Variants in USP16 observed in about 807,000 individuals in gnomAD.
USP16 encodes ubiquitin carboxyl-terminal hydrolase 16.
USP16 carries 77 observed loss-of-function variants against 95.9 expected under a neutral mutation model. The observed-to-expected ratio is 0.80, with a 90% confidence interval of 0.67 to 0.97. USP16 has a LOEUF of 0.97. USP16 is among the 50% of genes least tolerant of loss of function. The probability of loss-of-function intolerance (pLI) is 0.00; values close to 1 mark genes in which losing one functional copy is unlikely to be tolerated. For synonymous variants in USP16, 303 were observed against 318.2 expected, an observed-to-expected ratio of 0.95 and a Z score of 0.51; for missense variants, 943 against 959.9, an observed-to-expected ratio of 0.98 and a Z score of 0.23.
At chr21:29,053,081 CCT>C (rs1491357706) in intron 16 of USP16, 2 of 152,206 alleles carry the variant, frequency 1.3e-5, no homozygotes, top group African/African-American at 4.8e-5. Flanking sequence ...CATTTAAAGT[CCT>C]GTGAGAATCA....
In USP16 at chr21:29,027,952, C is replaced by T. The variant is rs148617415; in HGVS notation, c.39C>T (p.Ile13=). The T allele has an allele frequency of 2.7e-5, 43 of 1,612,996 alleles. No individual in the cohort carries two copies. The highest frequency in any genetic ancestry group is 5.3e-5 in the African/African-American group (4 of 74,922). The change falls in exon 2 of 18, where the codon ATC becomes ATT. Residue 13 remains isoleucine (I), a synonymous_variant. Coordinates refer to ENST00000399976, the MANE Select transcript of USP16 (RefSeq NM_006447.3). ...GGACAAAGGGAAAAACTGTTCCAAT[C>T]GATGATTCCTCTGAAACTTTAGGTA... ...KKRTKGKTVP[I]DDSSETLEPV...
intron 2 of USP16, 88 bp downstream of exon 2, chr21:29,028,062 T>C (rs1198728803): frequency 6.3e-6 from 6 of 950,974 alleles, no homozygotes; most frequent in Non-Finnish European, 9.6e-6. Flanking sequence ...TGCATATTAT[T>C]GTTATATTAT....
At chr21:29,048,690 T>C in intron 14 of USP16, 71 bp from the exon 15 acceptor site, 3 of 1,207,380 alleles carry the variant, frequency 2.5e-6, no homozygotes, top group Non-Finnish European at 3.6e-6. Context: ...GGAATGATTT[T>C]ATAGCAAATC....
At position 29,024,704 on chromosome 21, in the gene USP16, C is replaced by G. The variant is rs1252619455; in HGVS notation, c.-115C>G. On this transcript the variant is annotated 5_prime_UTR_variant, in exon 1 of 18. Transcript: ENST00000399976. ...GACTCCGTCGCTCTCAATTCGTCAC[C>G]AGGAGGAAGACGGAGCTGGCTGCCC... The G allele has an allele frequency of 7.8e-7, 1 of 1,289,250 alleles. No individual in the cohort carries two copies. The highest frequency in any genetic ancestry group is 1.2e-5 in the South Asian group (1 of 81,034). The allele number at this position is 1,289,250 out of a possible 1,614,324, so 79.9% of individuals were successfully genotyped here.
chr21:29,051,585 C>T (rs929603032), intron 16 of USP16, among the ~76,000 whole-genome samples: 15 of 152,230 alleles, frequency 9.9e-5, no homozygotes, highest in African/African-American at 3.6e-4. Flanking sequence ...AATGCCAACA[C>T]TTTGGGAGGC....
Position 29,027,396 on chromosome 21 carries a change from C to G in USP16, c.-41-477C>G, listed in dbSNP as rs148519682. 4.3e-4 allele frequency among the ~76,000 whole-genome samples: 65 copies of G among 152,316 alleles called. No individual in the cohort carries two copies. The East Asian group carries it at 6.2e-3, about 14-fold the overall frequency. On this transcript the variant is annotated intron_variant, in intron 1 of 17. Transcript: ENST00000399976. ...AAGCCATTTTGGAAATTTTCTAACTCCCTTCAGGAGGTTGTTAGAATTATT... is the reference window on the plus strand; with the variant it reads ...AAGCCATTTTGGAAATTTTCTAACTGCCTTCAGGAGGTTGTTAGAATTATT...
At chr21:29,047,985 C>A (rs1308690609) in intron 14 of USP16, among the ~76,000 whole-genome samples, 1 of 148,550 alleles carries the variant, frequency 6.7e-6, no homozygotes, top group Non-Finnish European at 1.5e-5. Flanking sequence ...TATATATAAG[C>A]TCAGAGACTA....
Position 29,040,607 on chromosome 21 carries a change from A to G in USP16, c.952-2A>G. 4.1e-6 allele frequency: 6 copies of G among 1,447,074 alleles called. No individual in the cohort carries two copies. Among genetic ancestry groups the G allele is most frequent in the South Asian group, 1.2e-5 (1 of 80,498 alleles). The allele number at this position is 1,447,074 out of a possible 1,614,324, so 89.6% of individuals were successfully genotyped here. On this transcript the variant is annotated splice_acceptor_variant, in intron 9 of 17. Transcript: ENST00000399976. LOFTEE classifies it high-confidence loss of function. ...TATATATATCCATTTTATTACTTTT[A>G]GAGAGTGAGTAAAGGAATACTTAAA...
In USP16 at chr21:29,036,267, A is replaced by C; in HGVS notation, c.345-4A>C. The stretch of plus-strand genomic sequence containing the variant: ...ATTTTTCATCTCTGATTTTTGGGTC[A>C]CAGGTGTTACGTATGTGATAATGAG... On this transcript the variant is annotated splice_region_variant and splice_polypyrimidine_tract_variant and intron_variant, in intron 4 of 17. Transcript: ENST00000399976. The C allele has an allele frequency of 6.3e-7, 1 of 1,596,640 alleles. No homozygotes were observed. The highest frequency in any genetic ancestry group is 8.5e-7 in the Non-Finnish European group (1 of 1,169,908).
intron 1 of USP16, 102 bp downstream of exon 1, chr21:29,024,879 G>C (rs1015037647): frequency 2.6e-6 from 3 of 1,149,282 alleles, no homozygotes; most frequent in Non-Finnish European, 3.3e-6. Context: ...CTTGAAGGCC[G>C]CTCTCCTTAA....
intron 2 of USP16, among the ~76,000 whole-genome samples, chr21:29,028,795 A>G (rs1411258122): frequency 6.6e-6 from 1 of 152,208 alleles, no homozygotes; most frequent in Non-Finnish European, 1.5e-5. Flanking sequence ...TGTATATTTC[A>G]TAATTTATTT....
In USP16 at chr21:29,050,280, T is replaced by A. The variant is rs551748441; in HGVS notation, c.2193+102T>A. The stretch of plus-strand genomic sequence containing the variant: ...ACTTAAGTATGAAGTTGATAACACT[T>A]ATTGAGTAGAGTGGGTCTTTGATCA... On this transcript the variant is annotated intron_variant, in intron 16 of 17. Coordinates refer to ENST00000399976, the MANE Select transcript of USP16 (RefSeq NM_006447.3). The A allele has an allele frequency of 1.1e-3, 1,029 of 942,558 alleles. 21 individuals carry two copies. In the South Asian group the frequency reaches 0.016, roughly 15 times the overall value. The allele number at this position is 942,558 out of a possible 1,614,324, so 58.4% of individuals were successfully genotyped here.
rs2085390025 is a variant in USP16, at chr21:29,050,030, GT to G, written c.2107-59del. 6 of 1,492,270 alleles carry G rather than the reference GT, an allele frequency of 4.0e-6. No individual in the cohort carries two copies. The African/African-American group carries it at 7.0e-5, about 17-fold the overall frequency. The allele number at this position is 1,492,270 out of a possible 1,614,324, so 92.4% of individuals were successfully genotyped here. On this transcript the variant is annotated intron_variant, in intron 15 of 17. Transcript: ENST00000399976. ...CTTTTGGACGTCGGAGGGGACTTCG[GT>G]TTACTTAACCTGTATTGCTTTTCCA...
At chr21:29,049,007 A>G in intron 15 of USP16, 152 bp downstream of exon 15, 1 of 645,250 alleles carries the variant, frequency 1.5e-6, no homozygotes, top group Non-Finnish European at 2.6e-6. Flanking sequence ...GGAAAAACAT[A>G]GGGGCTAGGC....
In USP16 at chr21:29,037,264, C is replaced by CTT; in HGVS notation, c.449-6_449-5dup. Reference sequence around the variant, plus strand: ...TATTACACATTTTGCTAAATCTTTTCTTTTTTTAAAGCAGAGAAAGATAAT... The same window carrying CTT: ...TATTACACATTTTGCTAAATCTTTTCTTTTTTTTTAAAGCAGAGAAAGATAAT... On this transcript the variant is annotated splice_polypyrimidine_tract_variant and intron_variant, in intron 5 of 17. Coordinates refer to ENST00000399976, the MANE Select transcript of USP16 (RefSeq NM_006447.3). 1 of 1,487,898 alleles carries CTT rather than the reference C, an allele frequency of 6.7e-7. No individual in the cohort carries two copies. The highest frequency in any genetic ancestry group is 9.1e-7 in the Non-Finnish European group (1 of 1,096,272). The allele number at this position is 1,487,898 out of a possible 1,614,324, so 92.2% of individuals were successfully genotyped here. A position where few individuals can be genotyped will look rare whatever the true frequency, so the allele number is the denominator to read the frequency against.
At chr21:29,035,626 G>A (rs191501922) in intron 4 of USP16, among the ~76,000 whole-genome samples, 160 of 152,016 alleles carry the variant, frequency 1.1e-3, no homozygotes, top group Non-Finnish European at 1.7e-3. Context: ...CTTGTGATCC[G>A]CATGCCTCAG....
chr21:29,044,148 G>A (rs1312186527), intron 13 of USP16, among the ~76,000 whole-genome samples: 2 of 152,102 alleles, frequency 1.3e-5, no homozygotes, highest in Non-Finnish European at 2.9e-5. Flanking sequence ...TGGCCAGGCT[G>A]GTCTCAAACT....
At chr21:29,041,205 T>C (rs144907838) in intron 10 of USP16, among the ~76,000 whole-genome samples, 2 of 152,268 alleles carry the variant, frequency 1.3e-5, no homozygotes, top group Non-Finnish European at 2.9e-5. Flanking sequence ...TAAATAGCCG[T>C]AAGTGACTAA....
chr21:29,041,956 T>C, intron 10 of USP16, 57 bp from the exon 11 acceptor site: 2 of 1,452,584 alleles, frequency 1.4e-6, no homozygotes. Context: ...TAGCTTTTCT[T>C]GTTTAATTAA....
Sources: allele counts gnomAD v4.1 joint callset (sites outside exome capture counted in the v4.1 genomes callset), GRCh38; gene constraint gnomAD v4.1.1; transcripts MANE v1.5; gene names NCBI Gene and HGNC (gene_info 2026-07-23, HGNC 2026-07-21).